Variants in ARK2N observed in about 807,000 individuals in gnomAD.
The protein encoded by ARK2N is protein ARK2N.
the ARK2N span, among the ~76,000 whole-genome samples, chr18:46,195,870 C>A: frequency 1.2e-3 from 190 of 152,212 alleles, 2 homozygotes; most frequent in African/African-American, 4.1e-3. Context: ...GCCACTGTGC[C>A]TGGTCCAGAT....
chr18:46,202,478 T>C, the ARK2N span, among the ~76,000 whole-genome samples: 2 of 152,096 alleles, frequency 1.3e-5, no homozygotes, highest in African/African-American at 4.8e-5. Flanking sequence ...ATTAGTGTCA[T>C]TGGAGGGATT....
the ARK2N span, among the ~76,000 whole-genome samples, chr18:46,241,044 A>C: frequency 6.6e-6 from 1 of 152,246 alleles, no homozygotes; most frequent in Non-Finnish European, 1.5e-5. Context: ...TGGTTTTATG[A>C]GTTAATCTAA....
At chr18:46,188,166 C>T in the ARK2N span, among the ~76,000 whole-genome samples, 1 of 152,146 alleles carries the variant, frequency 6.6e-6, no homozygotes, top group South Asian at 2.1e-4. Flanking sequence ...TAAAGAGTAA[C>T]TGTCCACTTG....
chr18:46,229,801 GC>G, the ARK2N span, among the ~76,000 whole-genome samples: 3 of 151,964 alleles, frequency 2.0e-5, no homozygotes. Context: ...GTGGGGTCTT[GC>G]TCTGTTGCCC....
the ARK2N span, among the ~76,000 whole-genome samples, chr18:46,206,460 CTT>C: frequency 6.6e-6 from 1 of 152,136 alleles, no homozygotes. Flanking sequence ...CATTTTTTCT[CTT>C]TTAGAGAACT....
chr18:46,245,092 G>A, the ARK2N span, among the ~76,000 whole-genome samples: 12 of 151,870 alleles, frequency 7.9e-5, no homozygotes, highest in African/African-American at 2.7e-4. Flanking sequence ...ACCACGCCCC[G>A]TTAATTTTTT....
At chr18:46,192,598 G>A in the ARK2N span, among the ~76,000 whole-genome samples, 1 of 148,752 alleles carries the variant, frequency 6.7e-6, no homozygotes, top group Non-Finnish European at 1.5e-5. Context: ...TTGAGACAGA[G>A]TCTTGCTCTG....
the ARK2N span, among the ~76,000 whole-genome samples, chr18:46,242,775 G>A: frequency 6.6e-6 from 1 of 152,124 alleles, no homozygotes; most frequent in African/African-American, 2.4e-5. Flanking sequence ...GTTGTTATGT[G>A]TGGCTCTAGT....
At chr18:46,181,205 A>T in the ARK2N span, among the ~76,000 whole-genome samples, 17 of 152,194 alleles carry the variant, frequency 1.1e-4, no homozygotes, top group Admixed American at 8.5e-4. Flanking sequence ...AGTTGCAGTG[A>T]GCAGGGATCA....
the ARK2N span, among the ~76,000 whole-genome samples, chr18:46,200,564 C>G: frequency 5.0e-4 from 76 of 152,210 alleles, 1 homozygote; most frequent in East Asian, 0.014. Context: ...CCTCAGCCTC[C>G]CAAAGTGCTG....
At chr18:46,223,397 C>T in the ARK2N span, among the ~76,000 whole-genome samples, 4 of 152,266 alleles carry the variant, frequency 2.6e-5, no homozygotes, top group Non-Finnish European at 5.9e-5. Context: ...TGACCGACTT[C>T]ATGAGGTTTT....
At chr18:46,251,433 A>G in the ARK2N span, among the ~76,000 whole-genome samples, 2 of 152,346 alleles carry the variant, frequency 1.3e-5, no homozygotes, top group Admixed American at 1.3e-4. Flanking sequence ...GGGTCCAGAT[A>G]TGTGCCCACT....
the ARK2N span, among the ~76,000 whole-genome samples, chr18:46,244,782 A>G: frequency 6.6e-6 from 1 of 151,172 alleles, no homozygotes; most frequent in Admixed American, 6.6e-5. Context: ...TTGTATTTTT[A>G]GTAGAGACAG....
At chr18:46,228,690 A>G in the ARK2N span, 23 of 396,868 alleles carry the variant, frequency 5.8e-5, 1 homozygote, top group Non-Finnish European at 8.9e-5. Context: ...GGTTCAAGCA[A>G]TCCTCCCGCC....
the ARK2N span, among the ~76,000 whole-genome samples, chr18:46,195,813 T>C: frequency 6.6e-6 from 1 of 151,962 alleles, no homozygotes; most frequent in Non-Finnish European, 1.5e-5. Context: ...TGACCTCAAG[T>C]GATCTACCTG....
chr18:46,242,646 A>G, the ARK2N span, among the ~76,000 whole-genome samples: 1 of 152,136 alleles, frequency 6.6e-6, no homozygotes, highest in South Asian at 2.1e-4. Flanking sequence ...ATTTCTTTAT[A>G]TATTTGTACT....
the ARK2N span, chr18:46,219,195 G>A: frequency 1.3e-5 from 2 of 152,282 alleles, no homozygotes; most frequent in East Asian, 3.9e-4. Flanking sequence ...CTGGGCAACA[G>A]ATGTTTATGA....
chr18:46,241,582 C>T, the ARK2N span, among the ~76,000 whole-genome samples: 5 of 151,566 alleles, frequency 3.3e-5, no homozygotes, highest in African/African-American at 9.7e-5. Context: ...ATTAGCTGGG[C>T]GTGATGGGTG....
chr18:46,207,101 A>G, the ARK2N span, among the ~76,000 whole-genome samples: 46 of 152,256 alleles, frequency 3.0e-4, no homozygotes, highest in Admixed American at 2.5e-3. Context: ...CAGTGTACAC[A>G]TAAGTGATCC....
Sources: allele counts gnomAD v4.1 joint callset (sites outside exome capture counted in the v4.1 genomes callset), GRCh38; gene constraint gnomAD v4.1.1; transcripts MANE v1.5; gene names NCBI Gene and HGNC (gene_info 2026-07-23, HGNC 2026-07-21).